The following PALD1 variants were observed in gnomAD, a reference collection of about 807,000 sequenced individuals.
PALD1 encodes the protein paladin.
Under a neutral mutation model 96.0 loss-of-function variants are expected in PALD1, and 57 were observed. That is an observed-to-expected ratio of 0.59 (90% CI 0.48 to 0.74). The LOEUF is 0.74. Among genes scored for constraint, PALD1 ranks in the 30% least tolerant of loss-of-function variants. PALD1 has a pLI of 0.00. For synonymous variants in PALD1, 464 were observed against 473.6 expected, an observed-to-expected ratio of 0.98 and a Z score of 0.26; for missense variants, 1,063 against 1,143.7, an observed-to-expected ratio of 0.93 and a Z score of 1.02.
At chr10:70,487,207 C>T (rs1157407520) in intron 1 of PALD1, among the ~76,000 whole-genome samples, 1 of 142,750 alleles carries the variant, frequency 7.0e-6, no homozygotes, top group African/African-American at 2.6e-5. Context: ...AATCTTGGCT[C>T]ACTGCAAGCT....
chr10:70,483,404 A>T (rs1253537061), intron 1 of PALD1, among the ~76,000 whole-genome samples: 1 of 152,180 alleles, frequency 6.6e-6, no homozygotes, highest in Non-Finnish European at 1.5e-5. Context: ...ACACCCATGG[A>T]AGGCAGTAGA....
chr10:70,537,313 C>T (rs1847134511), intron 10 of PALD1, among the ~76,000 whole-genome samples: 3 of 152,254 alleles, frequency 2.0e-5, no homozygotes, highest in South Asian at 4.1e-4. Flanking sequence ...CCATGTTGCC[C>T]AGCTTGTTTT....
the PALD1 span, among the ~76,000 whole-genome samples, chr10:70,461,664 C>T: frequency 1.3e-5 from 2 of 152,216 alleles, no homozygotes; most frequent in Non-Finnish European, 2.9e-5. Flanking sequence ...AATCCCGGGG[C>T]CCCCACTTGA....
chr10:70,468,702 C>CTCTGTG, the PALD1 span, among the ~76,000 whole-genome samples: 2 of 123,886 alleles, frequency 1.6e-5, no homozygotes, highest in South Asian at 3.0e-4. Context: ...TGAGGCAGGA[C>CTCTGTG]TGTGTGTGTG....
intron 1 of PALD1, among the ~76,000 whole-genome samples, chr10:70,489,345 G>C (rs925659776): frequency 6.6e-6 from 1 of 152,174 alleles, no homozygotes; most frequent in African/African-American, 2.4e-5. Context: ...TCGATGTGTA[G>C]ATGAACCCCA....
chr10:70,538,202 C>T (rs1409957096), intron 11 of PALD1, 78 bp from the exon 12 acceptor site: 1 of 1,502,168 alleles, frequency 6.7e-7, no homozygotes, highest in Admixed American at 1.7e-5. Context: ...TGGGGCTTCC[C>T]CTGCCATGGT....
At chr10:70,550,623 TA>T (rs1379627534) in intron 18 of PALD1, among the ~76,000 whole-genome samples, 5 of 152,328 alleles carry the variant, frequency 3.3e-5, no homozygotes, top group Admixed American at 2.0e-4. Context: ...TCACACCCGC[TA>T]GCAATCGCTT....
intron 1 of PALD1, among the ~76,000 whole-genome samples, chr10:70,481,946 G>A (rs1021622335): frequency 2.6e-5 from 4 of 152,182 alleles, no homozygotes; most frequent in Admixed American, 2.6e-4. Context: ...TTAGAGTGGG[G>A]TCAGTAACCT....
chr10:70,468,672 A>G, the PALD1 span, among the ~76,000 whole-genome samples: 1 of 150,860 alleles, frequency 6.6e-6, no homozygotes, highest in Non-Finnish European at 1.5e-5. Flanking sequence ...GGCAGAGCAC[A>G]GCAGCCTCAC....
At position 70,483,514 on chromosome 10, in the gene PALD1, G is replaced by A. The variant is rs535598188; in HGVS notation, c.-30+4455G>A. ...CCAAGGAGAGAGGATGTGGTGCTGT[G>A]AGGGCTGTGGGTACCCTGGGAAACG... On this transcript the variant is annotated intron_variant, in intron 1 of 19. Coordinates refer to ENST00000263563, the MANE Select transcript of PALD1 (RefSeq NM_014431.3). Among the ~76,000 whole-genome samples the A allele has an allele frequency of 7.2e-5, 11 of 152,276 alleles. No individual in the cohort carries two copies. The South Asian group carries it at 2.3e-3, about 32-fold the overall frequency.
At chr10:70,501,519 GAGA>G (rs1846293311) in intron 1 of PALD1, among the ~76,000 whole-genome samples, 1 of 152,200 alleles carries the variant, frequency 6.6e-6, no homozygotes, top group Non-Finnish European at 1.5e-5. Context: ...GTTTTCCCAT[GAGA>G]AGGTGTTGAG....
chr10:70,495,531 G>C (rs967103637), intron 1 of PALD1, among the ~76,000 whole-genome samples: 2 of 152,202 alleles, frequency 1.3e-5, no homozygotes, highest in African/African-American at 4.8e-5. Flanking sequence ...GTATTAAGCA[G>C]ACGGGGTTGG....
chr10:70,458,680 G>A, the PALD1 span, among the ~76,000 whole-genome samples: 1 of 152,232 alleles, frequency 6.6e-6, no homozygotes, highest in Non-Finnish European at 1.5e-5. Flanking sequence ...AGCCTAGTGA[G>A]ACAGAGACGC....
intron 18 of PALD1, among the ~76,000 whole-genome samples, chr10:70,556,470 C>T (rs1017772310): frequency 1.3e-5 from 2 of 152,076 alleles, no homozygotes; most frequent in Admixed American, 6.5e-5. Context: ...GATGCGCCAC[C>T]AGGCCTGGCT....
chr10:70,468,702 CTGTGTGTGTGTGTGTGTG>C, the PALD1 span, among the ~76,000 whole-genome samples: 47 of 123,886 alleles, frequency 3.8e-4, no homozygotes, highest in Admixed American at 8.1e-4. Context: ...TGAGGCAGGA[CTGTGTGTGTGTGTGTGTG>C]TGTGTGTGTG....
At position 70,515,845 on chromosome 10, in the gene PALD1, G is replaced by A. The variant is rs536635337; in HGVS notation, c.-29-10078G>A. 8.5e-5 allele frequency among the ~76,000 whole-genome samples: 13 copies of A among 152,282 alleles called. No homozygotes were observed. In the East Asian group the frequency reaches 1.4e-3, roughly 16 times the overall value. On this transcript the variant is annotated intron_variant, in intron 1 of 19. Coordinates refer to ENST00000263563, the MANE Select transcript of PALD1 (RefSeq NM_014431.3). ...AGCTGGTGTCCTGCCCAGAGCCCAC[G>A]ATTCACAGAGCCTAAGCCCTGTGTC...
intron 1 of PALD1, among the ~76,000 whole-genome samples, chr10:70,487,289 A>G (rs1316922777): frequency 1.9e-5 from 2 of 104,246 alleles, no homozygotes; most frequent in African/African-American, 2.9e-5. Flanking sequence ...GCCCGCCACC[A>G]TGCCCGGCTA....
chr10:70,529,773 G>T, intron 3 of PALD1, 116 bp from the exon 4 acceptor site: 1 of 819,308 alleles, frequency 1.2e-6, no homozygotes, highest in Non-Finnish European at 1.9e-6. Context: ...GCAGGATCAT[G>T]TTCTTTTTGC....
At chr10:70,487,642 A>T (rs974892568) in intron 1 of PALD1, among the ~76,000 whole-genome samples, 9 of 151,726 alleles carry the variant, frequency 5.9e-5, no homozygotes, top group Non-Finnish European at 1.3e-4. Context: ...GGAAAACTCC[A>T]CCTATTAAGC....
Sources: gnomAD v4.1 joint callset for allele counts (sites outside exome capture counted in the v4.1 genomes callset) on GRCh38, gnomAD v4.1.1 for gene constraint, MANE v1.5 for transcripts, NCBI Gene and HGNC (gene_info 2026-07-23, HGNC 2026-07-21) for gene names.